Variants in STMN4 observed in about 807,000 individuals in gnomAD.
STMN4 encodes the protein stathmin-4.
In STMN4, 12 loss-of-function variants were observed where a neutral mutation model predicts 29.1. That is an observed-to-expected ratio of 0.41 (90% CI 0.26 to 0.67). The LOEUF is 0.67. Ranked by LOEUF, STMN4 falls within the 30% of genes least tolerant of loss-of-function variation. The probability of loss-of-function intolerance (pLI) is 0.30; values close to 1 mark genes in which losing one functional copy is unlikely to be tolerated. For missense variants in STMN4, 181 were observed against 262.8 expected (o/e 0.69, Z 2.15); for synonymous variants, 114 against 105.3 (o/e 1.08, Z -0.51).
chr8:27,236,916 A>G lies in STMN4; in HGVS notation c.592-11T>C. 2 of 1,605,952 alleles carry G rather than the reference A, an allele frequency of 1.2e-6. No homozygotes were observed. Among genetic ancestry groups the G allele is most frequent in the Non-Finnish European group, 1.7e-6 (2 of 1,176,582 alleles). ...CTCGGCGTGCTTGTCCTGGAAAGGA[A>G]GGGAGGGAAAAGGGCAGGTCACACA... On this transcript the variant is annotated splice_polypyrimidine_tract_variant and intron_variant, in intron 6 of 6. Transcript: ENST00000350889.
intron 6 of STMN4, among the ~76,000 whole-genome samples, 154 bp from the exon 7 acceptor site, chr8:27,237,059 G>A (rs1022428835): frequency 6.6e-6 from 1 of 152,190 alleles, no homozygotes; most frequent in East Asian, 1.9e-4. Flanking sequence ...GCAGAAGGTG[G>A]CAGGTGAGGC....
chr8:27,236,274 T>C lies in STMN4; in HGVS notation c.*572A>G, dbSNP rs1801307645. On this transcript the variant is annotated 3_prime_UTR_variant, in exon 7 of 7. Coordinates refer to ENST00000350889, the MANE Select transcript of STMN4 (RefSeq NM_030795.4). ...TTTAACAATTACCCAAAGGACACAT[T>C]TGGGAAATAAAGAACTGGACACTTG... is the stretch of plus-strand genomic sequence containing the variant. 1 of 152,290 alleles carries C rather than the reference T, an allele frequency of 6.6e-6. No homozygotes were observed. Among genetic ancestry groups the C allele is most frequent in the African/African-American group, 2.4e-5 (1 of 41,408 alleles). The allele number at this position is 152,290 out of a possible 1,614,324, so 9.4% of individuals were successfully genotyped here.
At chr8:27,256,200 G>A (rs547461705) in intron 1 of STMN4, among the ~76,000 whole-genome samples, 3 of 152,268 alleles carry the variant, frequency 2.0e-5, no homozygotes, top group South Asian at 2.1e-4. Flanking sequence ...TTTTCCAGGG[G>A]CTGGGGCACA....
At chr8:27,250,187 A>C (rs572217059) in intron 1 of STMN4, among the ~76,000 whole-genome samples, 2 of 152,336 alleles carry the variant, frequency 1.3e-5, no homozygotes, top group South Asian at 4.1e-4. Context: ...TGCATAAGCT[A>C]TCTAAATGCC....
chr8:27,254,514 A>G (rs1801881278), intron 1 of STMN4, among the ~76,000 whole-genome samples: 1 of 152,116 alleles, frequency 6.6e-6, no homozygotes, highest in Non-Finnish European at 1.5e-5. Context: ...ACCCTAGGGG[A>G]GTGGACACGC....
chr8:27,252,809 G>A (rs1801830659), intron 1 of STMN4, among the ~76,000 whole-genome samples: 2 of 152,182 alleles, frequency 1.3e-5, no homozygotes, highest in Non-Finnish European at 2.9e-5. Flanking sequence ...AGATGTAAAT[G>A]CAATGGATGA....
intron 1 of STMN4, among the ~76,000 whole-genome samples, chr8:27,244,313 C>T (rs1801562928): frequency 6.6e-6 from 1 of 152,200 alleles, no homozygotes; most frequent in Non-Finnish European, 1.5e-5. Context: ...ATGCCTCTCA[C>T]CTTCCCTTTC....
chr8:27,241,335 C>T, intron 4 of STMN4, 73 bp from the exon 5 acceptor site: 7 of 1,586,408 alleles, frequency 4.4e-6, no homozygotes, highest in Non-Finnish European at 6.0e-6. Context: ...GCGGCGCATG[C>T]ACACGGGAGT....
chr8:27,251,482 T>C (rs1801784319), intron 1 of STMN4, among the ~76,000 whole-genome samples: 1 of 151,952 alleles, frequency 6.6e-6, no homozygotes, highest in Non-Finnish European at 1.5e-5. Context: ...CATGAAGCCA[T>C]CAATATACAG....
In STMN4 at chr8:27,236,675, A is replaced by T; in HGVS notation, c.*171T>A. 1 of 501,816 alleles carries T rather than the reference A, an allele frequency of 2.0e-6. No individual in the cohort carries two copies. The highest frequency in any genetic ancestry group is 3.4e-6 in the Non-Finnish European group (1 of 293,184). The allele number at this position is 501,816 out of a possible 1,614,324, so 31.1% of individuals were successfully genotyped here. A position where few individuals can be genotyped will look rare whatever the true frequency, so the allele number is the denominator to read the frequency against. On this transcript the variant is annotated 3_prime_UTR_variant, in exon 7 of 7. Transcript: ENST00000350889. ...CCCCGGAAACAAATAGGATGGCTTC[A>T]CTGGTCAATTCTTAACATGTACAAA...
intron 2 of STMN4, 57 bp from the exon 3 acceptor site, chr8:27,242,549 G>T (rs2130077707): frequency 6.4e-7 from 1 of 1,560,940 alleles, no homozygotes; most frequent in Non-Finnish European, 8.8e-7. Flanking sequence ...AGAAGTCAGC[G>T]TCCTCACGGG....
chr8:27,242,300 G>A (rs1437747743), intron 3 of STMN4, 97 bp downstream of exon 3: 2 of 1,197,532 alleles, frequency 1.7e-6, no homozygotes, highest in African/African-American at 1.5e-5. Flanking sequence ...TGTCTCGGGA[G>A]GAGAGATTCA....
intron 1 of STMN4, among the ~76,000 whole-genome samples, chr8:27,249,136 A>C (rs1586016465): frequency 6.6e-6 from 1 of 152,188 alleles, no homozygotes; most frequent in African/African-American, 2.4e-5. Flanking sequence ...ACACAGAATG[A>C]GTAAGTTTTG....
chr8:27,239,380 C>T (rs755347398), intron 6 of STMN4: 36 of 1,346,876 alleles, frequency 2.7e-5, no homozygotes, highest in South Asian at 2.2e-4. Flanking sequence ...CTCAGCAGAA[C>T]GGGCCGGTAT....
At chr8:27,252,923 AG>A (rs1425208268) in intron 1 of STMN4, among the ~76,000 whole-genome samples, 1 of 152,238 alleles carries the variant, frequency 6.6e-6, no homozygotes, top group Non-Finnish European at 1.5e-5. Context: ...TCTATCCTTC[AG>A]CTCAGGCATT....
intron 1 of STMN4, among the ~76,000 whole-genome samples, chr8:27,250,831 C>T (rs1801760869): frequency 6.6e-6 from 1 of 152,178 alleles, no homozygotes; most frequent in Admixed American, 6.5e-5. Context: ...CTGAGGAGTC[C>T]TTCTTAGCAC....
intron 1 of STMN4, among the ~76,000 whole-genome samples, chr8:27,245,132 G>A (rs2130098165): frequency 6.6e-6 from 1 of 152,316 alleles, no homozygotes; most frequent in Non-Finnish European, 1.5e-5. Context: ...ACCAGCTCTC[G>A]CTAGTCTCTT....
chr8:27,240,177 A>C lies in STMN4; in HGVS notation c.400-15T>G, dbSNP rs1563412895. Reference sequence around the variant, plus strand: ...GCTTCCTGGTACTGGGGAAGCATAAAGGCAGAAGGAGGCCCTTCACAGTGA... The same window carrying C: ...GCTTCCTGGTACTGGGGAAGCATAACGGCAGAAGGAGGCCCTTCACAGTGA... On this transcript the variant is annotated splice_polypyrimidine_tract_variant and intron_variant, in intron 5 of 6. Transcript: ENST00000350889. 6.2e-7 allele frequency: 1 copy of C among 1,609,338 alleles called. No homozygotes were observed. Among genetic ancestry groups the C allele is most frequent in the Non-Finnish European group, 8.5e-7 (1 of 1,177,564 alleles).
chr8:27,236,754 T>A lies in STMN4; in HGVS notation c.*92A>T. 16 of 1,119,794 alleles carry A rather than the reference T, an allele frequency of 1.4e-5. No homozygotes were observed. Among genetic ancestry groups the A allele is most frequent in the South Asian group, 1.8e-5 (1 of 55,878 alleles). The allele number at this position is 1,119,794 out of a possible 1,614,324, so 69.4% of individuals were successfully genotyped here. On this transcript the variant is annotated 3_prime_UTR_variant, in exon 7 of 7. Transcript: ENST00000350889. ...CCACCCCCCTCCCCCCAAACCCCAG[T>A]GCTGGGAGCGCAGCCGGCGGGCGAG...
Sources: allele counts gnomAD v4.1 joint callset (sites outside exome capture counted in the v4.1 genomes callset), GRCh38; gene constraint gnomAD v4.1.1; transcripts MANE v1.5; gene names NCBI Gene and HGNC (gene_info 2026-07-23, HGNC 2026-07-21).